The following SYNDIG1L variants were observed in gnomAD, a reference collection of about 807,000 sequenced individuals.
SYNDIG1L encodes synapse differentiation inducing 1 like.
In SYNDIG1L, 13 loss-of-function variants were observed where a neutral mutation model predicts 20.1. The observed-to-expected ratio is 0.65, with a 90% CI of 0.42 to 1.03. SYNDIG1L has a LOEUF of 1.03. SYNDIG1L is among the 50% of genes least tolerant of loss of function. The probability of loss-of-function intolerance (pLI) is 0.00; values close to 1 mark genes in which losing one functional copy is unlikely to be tolerated. For missense variants in SYNDIG1L, 294 were observed against 305.1 expected, an observed-to-expected ratio of 0.96 and a Z score of 0.27; for synonymous variants, 128 against 129.3, an observed-to-expected ratio of 0.99 and a Z score of 0.07.
chr14:74,448,094 G>A, the SYNDIG1L span, among the ~76,000 whole-genome samples: 3 of 152,082 alleles, frequency 2.0e-5, no homozygotes, highest in African/African-American at 4.8e-5. Context: ...AGAAGAAAAG[G>A]GAATACAGAA....
chr14:74,422,653 T>TACACACACACACACA, intron 1 of SYNDIG1L, among the ~76,000 whole-genome samples: 1 of 140,394 alleles, frequency 7.1e-6, no homozygotes, highest in Non-Finnish European at 1.5e-5. Flanking sequence ...ATCTCTCTCT[T>TACACACACACACACA]CACACACACA....
At chr14:74,413,267 C>G (rs139088620) in intron 1 of SYNDIG1L, among the ~76,000 whole-genome samples, 46 of 152,296 alleles carry the variant, frequency 3.0e-4, no homozygotes, top group African/African-American at 9.4e-4. Flanking sequence ...TCTGATGGTG[C>G]CTTTAAGCAG....
chr14:74,447,190 G>GT, the SYNDIG1L span, among the ~76,000 whole-genome samples: 1 of 152,082 alleles, frequency 6.6e-6, no homozygotes, highest in African/African-American at 2.4e-5. Context: ...AAACTGTAAG[G>GT]TAAAAAATAA....
At chr14:74,457,905 C>T in the SYNDIG1L span, among the ~76,000 whole-genome samples, 1 of 152,082 alleles carries the variant, frequency 6.6e-6, no homozygotes, top group African/African-American at 2.4e-5. Flanking sequence ...TCAAGTGATT[C>T]TCCCACCCCA....
chr14:74,458,613 C>T, the SYNDIG1L span, among the ~76,000 whole-genome samples: 1 of 134,082 alleles, frequency 7.5e-6, no homozygotes, highest in South Asian at 2.4e-4. Context: ...CAGAGCAAGA[C>T]TCCATCTCAA....
At chr14:74,469,419 A>G in the SYNDIG1L span, among the ~76,000 whole-genome samples, 1 of 151,782 alleles carries the variant, frequency 6.6e-6, no homozygotes, top group Non-Finnish European at 1.5e-5. Flanking sequence ...TACCTAATGT[A>G]AATGACAAGT....
At chr14:74,447,757 A>G in the SYNDIG1L span, among the ~76,000 whole-genome samples, 6 of 152,266 alleles carry the variant, frequency 3.9e-5, no homozygotes, top group Non-Finnish European at 7.4e-5. Context: ...TCTAATGGTA[A>G]AATATAGAAC....
chr14:74,476,445 T>C, the SYNDIG1L span: 2 of 1,256,350 alleles, frequency 1.6e-6, no homozygotes, highest in Non-Finnish European at 2.2e-6. Context: ...GGAGCCGTCC[T>C]TCTCCAAGCC....
chr14:74,419,710 G>T (rs1047736247), intron 1 of SYNDIG1L, among the ~76,000 whole-genome samples: 2 of 152,164 alleles, frequency 1.3e-5, no homozygotes, highest in African/African-American at 4.8e-5. Flanking sequence ...CCCTATTGTG[G>T]GATGGCAGTG....
At chr14:74,410,007 CCA>C (rs561825175) in intron 1 of SYNDIG1L, among the ~76,000 whole-genome samples, 32 of 152,366 alleles carry the variant, frequency 2.1e-4, no homozygotes, top group Admixed American at 1.4e-3. Flanking sequence ...AGTGCTTACC[CCA>C]CAGAGTTGGC....
intron 1 of SYNDIG1L, among the ~76,000 whole-genome samples, chr14:74,414,338 G>T (rs926192272): frequency 1.3e-5 from 2 of 152,210 alleles, no homozygotes; most frequent in African/African-American, 4.8e-5. Flanking sequence ...GCTCCAAATT[G>T]TGCAGCTGGG....
At chr14:74,461,686 C>T in the SYNDIG1L span, among the ~76,000 whole-genome samples, 1 of 152,018 alleles carries the variant, frequency 6.6e-6, no homozygotes, top group South Asian at 2.1e-4. Flanking sequence ...AAAATCCTCT[C>T]CCTTGTCCTC....
At chr14:74,442,602 G>T in the SYNDIG1L span, among the ~76,000 whole-genome samples, 2 of 152,174 alleles carry the variant, frequency 1.3e-5, no homozygotes, top group Non-Finnish European at 2.9e-5. Flanking sequence ...TAAGCAGGAG[G>T]TTAATATTAT....
chr14:74,458,962 G>A, the SYNDIG1L span, among the ~76,000 whole-genome samples: 45 of 152,166 alleles, frequency 3.0e-4, no homozygotes, highest in African/African-American at 8.7e-4. Context: ...TGATGGTGTC[G>A]GGGCTGTGGG....
chr14:74,454,847 A>G, the SYNDIG1L span, among the ~76,000 whole-genome samples: 1 of 152,156 alleles, frequency 6.6e-6, no homozygotes, highest in South Asian at 2.1e-4. Context: ...AAATTCACCT[A>G]TTGTGAGGTT....
At chr14:74,469,019 T>G in the SYNDIG1L span, among the ~76,000 whole-genome samples, 4 of 151,998 alleles carry the variant, frequency 2.6e-5, no homozygotes, top group African/African-American at 9.7e-5. Flanking sequence ...TCAAGGCCCT[T>G]GGGGGTCATC....
At chr14:74,447,752 T>C in the SYNDIG1L span, among the ~76,000 whole-genome samples, 2 of 152,120 alleles carry the variant, frequency 1.3e-5, no homozygotes, top group African/African-American at 4.8e-5. Context: ...CTTAGTCTAA[T>C]GGTAAAATAT....
the SYNDIG1L span, chr14:74,480,055 T>C: frequency 9.2e-5 from 139 of 1,510,342 alleles, 2 homozygotes; most frequent in East Asian, 3.4e-3. Flanking sequence ...AACCAAGTGC[T>C]GCATTTAATG....
At chr14:74,453,116 G>C in the SYNDIG1L span, among the ~76,000 whole-genome samples, 2 of 151,964 alleles carry the variant, frequency 1.3e-5, no homozygotes, top group Admixed American at 6.6e-5. Flanking sequence ...GGAGCACAAG[G>C]CAGGTGGATC....
Sources: allele counts gnomAD v4.1 joint callset (sites outside exome capture counted in the v4.1 genomes callset), GRCh38; gene constraint gnomAD v4.1.1; transcripts MANE v1.5; gene names NCBI Gene and HGNC (gene_info 2026-07-23, HGNC 2026-07-21).